PCDHA9: variants seen among roughly 807,000 people sequenced by gnomAD.
PCDHA9 encodes the protein protocadherin alpha 9.
In PCDHA9, 62 loss-of-function variants were observed where a neutral mutation model predicts 62.0. The observed-to-expected ratio is 1.00, with a 90% confidence interval of 0.81 to 1.23. The LOEUF is 1.23. Among genes scored for constraint, PCDHA9 ranks in the 50% most tolerant of loss-of-function variants. The pLI is 0.00. For missense variants in PCDHA9, 1,205 were observed against 1,249.8 expected (o/e 0.96, Z 0.54); for synonymous variants, 557 against 567.6 (o/e 0.98, Z 0.27).
At chr5:140,876,475 A>G (rs1385416022) in intron 1 of PCDHA9, 1 of 1,614,054 alleles carries the variant, frequency 6.2e-7, no homozygotes, top group Non-Finnish European at 8.5e-7. Context: ...AGGTCACAGC[A>G]TGGTCCTGGT....
intron 1 of PCDHA9, among the ~76,000 whole-genome samples, chr5:140,913,794 T>A: frequency 6.6e-6 from 1 of 152,194 alleles, no homozygotes. Context: ...ATCATTTGTT[T>A]GAATCAAATT....
At chr5:140,930,644 A>G (rs1346561903) in intron 1 of PCDHA9, among the ~76,000 whole-genome samples, 1 of 152,198 alleles carries the variant, frequency 6.6e-6, no homozygotes, top group East Asian at 1.9e-4. Context: ...AGGAAGGAAA[A>G]TGAAGCATTC....
At chr5:140,909,560 C>A (rs2074577216) in intron 1 of PCDHA9, among the ~76,000 whole-genome samples, 1 of 152,284 alleles carries the variant, frequency 6.6e-6, no homozygotes, top group Middle Eastern at 3.4e-3. Flanking sequence ...ATCTCTGCAA[C>A]CCATCCAGAG....
chr5:140,853,707 C>A, intron 1 of PCDHA9: 2 of 988,182 alleles, frequency 2.0e-6, no homozygotes, highest in Non-Finnish European at 2.4e-6. Context: ...AACGCATTAG[C>A]ATTAGCAGCA....
chr5:140,852,926 T>C (rs1274481129), intron 1 of PCDHA9: 1 of 649,848 alleles, frequency 1.5e-6, no homozygotes, highest in Non-Finnish European at 2.0e-6. Flanking sequence ...TTGCCCAGGC[T>C]GGAGTGCAGT....
chr5:140,901,466 C>T (rs782517412), intron 1 of PCDHA9, among the ~76,000 whole-genome samples: 3 of 152,062 alleles, frequency 2.0e-5, no homozygotes, highest in Admixed American at 6.5e-5. Flanking sequence ...TGTCTTTTCT[C>T]GAGTTTATGT....
chr5:140,875,208 C>G (rs1297860404), intron 1 of PCDHA9: 2 of 668,428 alleles, frequency 3.0e-6, no homozygotes, highest in East Asian at 6.8e-5. Flanking sequence ...GTGGCTAAAC[C>G]GAAAAGAACC....
At chr5:140,898,450 C>G (rs1276825221) in intron 1 of PCDHA9, among the ~76,000 whole-genome samples, 4 of 152,148 alleles carry the variant, frequency 2.6e-5, no homozygotes, top group Non-Finnish European at 4.4e-5. Flanking sequence ...ATAGGGAATC[C>G]TTTCCCCATT....
At chr5:140,986,530 G>C (rs1341824536) in intron 3 of PCDHA9, among the ~76,000 whole-genome samples, 1 of 152,162 alleles carries the variant, frequency 6.6e-6, no homozygotes, top group African/African-American at 2.4e-5. Context: ...GAGGGAACTG[G>C]CCTGGCTTCA....
chr5:140,942,589 T>G (rs1444015331), intron 1 of PCDHA9, among the ~76,000 whole-genome samples: 1 of 148,934 alleles, frequency 6.7e-6, no homozygotes, highest in Non-Finnish European at 1.5e-5. Flanking sequence ...GGATGTCACA[T>G]ATAATTATAG....
chr5:140,909,491 A>G (rs1031839388), intron 1 of PCDHA9, among the ~76,000 whole-genome samples: 5 of 152,218 alleles, frequency 3.3e-5, no homozygotes, highest in Non-Finnish European at 7.3e-5. Context: ...GGAGAGCTGA[A>G]CGGGGATGTG....
At chr5:140,927,400 C>G (rs782428365) in intron 1 of PCDHA9, 11 of 1,614,126 alleles carry the variant, frequency 6.8e-6, no homozygotes, top group Non-Finnish European at 8.5e-6. Flanking sequence ...TCAGCACTTT[C>G]GCCTGGACAT....
chr5:140,957,883 A>C (rs1413437105), intron 1 of PCDHA9, among the ~76,000 whole-genome samples: 1 of 152,098 alleles, frequency 6.6e-6, no homozygotes. Flanking sequence ...TGAAAAGCTG[A>C]AGTTGGCATC....
At chr5:140,857,859 C>T (rs1554150765) in intron 1 of PCDHA9, 3 of 1,597,718 alleles carry the variant, frequency 1.9e-6, no homozygotes, top group Non-Finnish European at 2.6e-6. Context: ...GGATACAACG[C>T]GTGGCTGTCG....
At chr5:140,981,289 C>G (rs1554242771) in intron 2 of PCDHA9, among the ~76,000 whole-genome samples, 1 of 152,138 alleles carries the variant, frequency 6.6e-6, no homozygotes, top group Non-Finnish European at 1.5e-5. Flanking sequence ...AAAGGGTCCT[C>G]TAGTCTAGGT....
intron 1 of PCDHA9, chr5:140,870,745 G>C (rs369212308): frequency 1.9e-6 from 3 of 1,613,530 alleles, no homozygotes; most frequent in Non-Finnish European, 2.5e-6. Context: ...GAGCAGCAAC[G>C]TGACGCTGCA....
At chr5:140,985,740 T>TG (rs1554247304) in intron 3 of PCDHA9, among the ~76,000 whole-genome samples, 2 of 53,688 alleles carry the variant, frequency 3.7e-5, no homozygotes, top group Admixed American at 1.9e-4. Flanking sequence ...GATGAATTCC[T>TG]TTTTTTTTTT....
At chr5:140,873,494 T>C (rs2153295972) in intron 1 of PCDHA9, among the ~76,000 whole-genome samples, 1 of 152,254 alleles carries the variant, frequency 6.6e-6, no homozygotes, top group South Asian at 2.1e-4. Flanking sequence ...TTCTGCAAAG[T>C]TGTGTCTTTT....
rs2150418805 is a variant in PCDHA9 at position 140,848,730 on chromosome 5, C to A, written c.235C>A (p.Leu79Met). The A allele has an allele frequency of 6.3e-7, 1 of 1,592,792 alleles. No homozygotes were observed. Among genetic ancestry groups the A allele is most frequent in the Non-Finnish European group, 8.6e-7 (1 of 1,163,546 alleles). The change falls in exon 1 of 4, where the codon CTG becomes ATG. Residue 79 changes from leucine to methionine, a missense_variant. Coordinates refer to ENST00000532602, the MANE Select transcript of PCDHA9 (RefSeq NM_031857.2). Reference protein sequence around the residue: ...KGRGDLLEVNLQNGILFVNSR... With the variant: ...KGRGDLLEVNMQNGILFVNSR... ...CCGCGGGGACCTTCTGGAGGTAAAT[C>A]TGCAGAATGGCATTTTGTTTGTGAA...
Sources: allele counts gnomAD v4.1 joint callset (sites outside exome capture counted in the v4.1 genomes callset), GRCh38; gene constraint gnomAD v4.1.1; transcripts MANE v1.5; gene names NCBI Gene and HGNC (gene_info 2026-07-23, HGNC 2026-07-21).